The following KALRN variants were observed in gnomAD, a reference collection of about 807,000 sequenced individuals.
KALRN encodes kalirin.
Under a neutral mutation model 353.7 loss-of-function variants are expected in KALRN, and 70 were observed. That is an observed-to-expected ratio of 0.20 (90% CI 0.16 to 0.24). The LOEUF (loss-of-function observed/expected upper bound fraction) is 0.24. Ranked by LOEUF, KALRN falls within the 10% of genes least tolerant of loss-of-function variation. The pLI is 1.00. For missense variants in KALRN, 2,791 were observed against 3,756.7 expected, an observed-to-expected ratio of 0.74 and a Z score of 6.72; for synonymous variants, 1,391 against 1,434.8, an observed-to-expected ratio of 0.97 and a Z score of 0.69.
intron 1 of KALRN, among the ~76,000 whole-genome samples, chr3:124,083,857 A>G (rs890385706): frequency 6.6e-6 from 1 of 152,206 alleles, no homozygotes; most frequent in African/African-American, 2.4e-5. Flanking sequence ...CTTCTGGCAT[A>G]TCCTAATTGT....
At chr3:124,181,112 G>C (rs888825541) in intron 1 of KALRN, among the ~76,000 whole-genome samples, 1 of 138,730 alleles carries the variant, frequency 7.2e-6, no homozygotes, top group Admixed American at 7.3e-5. Flanking sequence ...TTAGCCAGGC[G>C]TGATGGTGTG....
intron 34 of KALRN, among the ~76,000 whole-genome samples, chr3:124,571,660 A>C (rs1275985887): frequency 6.6e-6 from 1 of 152,174 alleles, no homozygotes; most frequent in African/African-American, 2.4e-5. Context: ...TAAAGGGATT[A>C]ACCAAAGTAT....
chr3:124,247,147 A>G (rs936199283), intron 3 of KALRN, among the ~76,000 whole-genome samples: 4 of 152,152 alleles, frequency 2.6e-5, no homozygotes, highest in African/African-American at 9.7e-5. Context: ...GACTGCCTTT[A>G]TTGTACACTC....
rs774315068 is a variant in KALRN, at chr3:124,385,049, A to G, written c.1962+13A>G. The G allele has an allele frequency of 8.3e-6, 13 of 1,570,286 alleles. No individual in the cohort carries two copies. In the East Asian group the frequency reaches 2.5e-4, roughly 30 times the overall value. On this transcript the variant is annotated intron_variant, in intron 11 of 59. Transcript: ENST00000682506. The stretch of plus-strand genomic sequence containing the variant: ...ACACACCAAAGAGGTAAGGGGAGCT[A>G]GTGGAGAGAGGGCATTCTGTCCTGC...
At chr3:124,462,695 C>G (rs1360660944) in intron 25 of KALRN, 62 bp downstream of exon 25, 1 of 940,252 alleles carries the variant, frequency 1.1e-6, no homozygotes, top group African/African-American at 1.6e-5. Flanking sequence ...CAACAGGGTT[C>G]CCAAGAAGTG....
intron 1 of KALRN, among the ~76,000 whole-genome samples, chr3:124,084,054 C>T (rs1443223608): frequency 6.6e-6 from 1 of 152,138 alleles, no homozygotes; most frequent in Non-Finnish European, 1.5e-5. Flanking sequence ...GATTCCCATC[C>T]CTAAATGGGG....
chr3:124,273,732 A>G (rs923239702), intron 5 of KALRN, among the ~76,000 whole-genome samples: 2 of 141,730 alleles, frequency 1.4e-5, no homozygotes, highest in Non-Finnish European at 3.1e-5. Flanking sequence ...GGAAAGTCTT[A>G]ATGAGCAATC....
chr3:124,654,952 T>G (rs1404222859), intron 38 of KALRN, among the ~76,000 whole-genome samples: 1 of 152,244 alleles, frequency 6.6e-6, no homozygotes, highest in Non-Finnish European at 1.5e-5. Context: ...AATTGTTAAA[T>G]CCTGCATCCT....
rs768441029 is a variant in KALRN at position 124,495,965 on chromosome 3, G to GTATATATA, written c.4833-305_4833-298dup. ...CCCAAGTGTGTGTATGTGTATGTAT[G>GTATATATA]TATATATATATATATATATATATAT... On this transcript the variant is annotated intron_variant, in intron 32 of 59. Coordinates refer to ENST00000682506, the MANE Select transcript of KALRN (RefSeq NM_001388419.1). Among the ~76,000 whole-genome samples the GTATATATA allele has an allele frequency of 4.5e-3, 187 of 41,358 alleles. 7 individuals are homozygous for GTATATATA. The highest frequency in any genetic ancestry group is 5.1e-3 in the Non-Finnish European group (130 of 25,494). The allele number at this position is 41,358 out of a possible 152,430, so 27.1% of individuals were successfully genotyped here. A position where few individuals can be genotyped will look rare whatever the true frequency, so the allele number is the denominator to read the frequency against.
At chr3:124,584,937 C>G in intron 34 of KALRN, 1 of 1,572,640 alleles carries the variant, frequency 6.4e-7, no homozygotes, top group Non-Finnish European at 8.6e-7. Flanking sequence ...TTGGTGCCTT[C>G]TGTTAGCCAG....
chr3:124,196,768 A>G (rs1360688331), intron 1 of KALRN, among the ~76,000 whole-genome samples: 1 of 152,228 alleles, frequency 6.6e-6, no homozygotes, highest in East Asian at 1.9e-4. Context: ...ACACAATAGT[A>G]TTCTGTCTTA....
chr3:124,602,288 A>G (rs2083427), intron 34 of KALRN, among the ~76,000 whole-genome samples: 90,530 of 151,830 alleles, frequency 0.6, 27,195 homozygotes, highest in East Asian at 0.83. Flanking sequence ...CCCTGAGTTA[A>G]GTGATATGCC....
chr3:124,170,422 G>A (rs560417270), intron 1 of KALRN, among the ~76,000 whole-genome samples: 1 of 152,338 alleles, frequency 6.6e-6, no homozygotes, highest in East Asian at 1.9e-4. Flanking sequence ...TCAGAGATGT[G>A]AAGTGTCTTA....
chr3:124,282,497 C>T (rs1210829695), intron 5 of KALRN, among the ~76,000 whole-genome samples: 1 of 151,864 alleles, frequency 6.6e-6, no homozygotes, highest in Non-Finnish European at 1.5e-5. Context: ...CCTGCCTCAG[C>T]CTCCTGAGTA....
At chr3:124,106,407 G>C (rs1045065807) in intron 1 of KALRN, among the ~76,000 whole-genome samples, 27 of 152,228 alleles carry the variant, frequency 1.8e-4, no homozygotes, top group African/African-American at 6.5e-4. Flanking sequence ...TGTTGTGGGA[G>C]GGTGTTATTC....
chr3:124,675,186 A>G (rs1208058842), intron 49 of KALRN: 1 of 152,114 alleles, frequency 6.6e-6, no homozygotes, highest in Non-Finnish European at 1.5e-5. Context: ...CGTCACTTGA[A>G]TATATGTTCA....
intron 21 of KALRN, among the ~76,000 whole-genome samples, chr3:124,453,139 G>GATAGAATCAAGTAGATTCTATTTTGA (rs1432166238): frequency 1.3e-4 from 20 of 152,150 alleles, no homozygotes; most frequent in Non-Finnish European, 2.5e-4. Context: ...TTCTAGTTTA[G>GATAGAATCAAGTAGATTCTATTTTGA]ATAGAATCAA....
intron 3 of KALRN, among the ~76,000 whole-genome samples, chr3:124,251,991 G>T (rs959508733): frequency 2.6e-5 from 4 of 152,084 alleles, no homozygotes; most frequent in African/African-American, 9.7e-5. Context: ...ACTTTAAAAA[G>T]GTGGAAACTA....
intron 1 of KALRN, among the ~76,000 whole-genome samples, chr3:124,063,703 C>T (rs901038418): frequency 1.3e-5 from 2 of 152,176 alleles, no homozygotes; most frequent in Admixed American, 6.5e-5. Context: ...TTGTCAGCTA[C>T]TTAACATAAT....
Sources: gnomAD v4.1 joint callset for allele counts (sites outside exome capture counted in the v4.1 genomes callset) on GRCh38, gnomAD v4.1.1 for gene constraint, MANE v1.5 for transcripts, NCBI Gene and HGNC (gene_info 2026-07-23, HGNC 2026-07-21) for gene names.